MAN2B1: variants seen among roughly 807,000 people sequenced by gnomAD.
The protein encoded by MAN2B1 is mannosidase alpha class 2B member 1, also known as lysosomal alpha-mannosidase.
In MAN2B1, 99 loss-of-function variants were observed where a neutral mutation model predicts 127.5. The observed-to-expected ratio is 0.78, with a 90% CI of 0.66 to 0.92. The LOEUF (loss-of-function observed/expected upper bound fraction) is 0.92, where lower values mean the gene tolerates loss of function less well. Ranked by LOEUF, MAN2B1 falls within the 40% of genes least tolerant of loss-of-function variation. The probability of loss-of-function intolerance (pLI) is 0.00; values close to 1 mark genes in which losing one functional copy is unlikely to be tolerated. For missense variants in MAN2B1, 1,304 were observed against 1,384.8 expected, an observed-to-expected ratio of 0.94 and a Z score of 0.93; for synonymous variants, 573 against 568.8, an observed-to-expected ratio of 1.01 and a Z score of -0.11.
At chr19:12,660,139 C>T (rs993622204) in intron 7 of MAN2B1, among the ~76,000 whole-genome samples, 4 of 152,126 alleles carry the variant, frequency 2.6e-5, no homozygotes, top group African/African-American at 4.8e-5. Flanking sequence ...GAACCTATTA[C>T]CACATTAGAT....
rs760393236 is a variant in MAN2B1 at position 12,661,353 on chromosome 19, G to A, written c.933C>T (p.His311=). 16 of 1,613,630 alleles carry A rather than the reference G, an allele frequency of 9.9e-6. No individual in the cohort carries two copies. In the East Asian group the frequency reaches 2.9e-4, roughly 29 times the overall value. Residue 311 remains histidine, a synonymous_variant, in exon 7 of 24, where the codon CAC becomes CAT. Transcript: ENST00000456935. ...TAQGRYYRTN[H]TVMTMGSDFQ... ...AGTCCGAGCCCATGGTCATCACAGTGTGGTTGGTGCGGTAATACCGGCCCT... is the reference window on the plus strand; with the variant it reads ...AGTCCGAGCCCATGGTCATCACAGTATGGTTGGTGCGGTAATACCGGCCCT...
rs575582119 is a variant in MAN2B1 at position 12,647,615 on chromosome 19, G to A, written c.2665-17C>T. The A allele has an allele frequency of 1.0e-5, 16 of 1,607,254 alleles. No homozygotes were observed. In the East Asian group the frequency reaches 2.0e-4, roughly 20 times the overall value. On this transcript the variant is annotated splice_polypyrimidine_tract_variant and intron_variant, in intron 21 of 23. Transcript: ENST00000456935. The surrounding 1 kb of genome is among the most constrained non-coding windows in gnomAD (Gnocchi z 4.9). Reference sequence around the variant, plus strand: ...CCCTGAGAACTGCGGGAGAGAGGGCGGGGCTGAGTTGGAGAGGGGCGGGGC... The same window carrying A: ...CCCTGAGAACTGCGGGAGAGAGGGCAGGGCTGAGTTGGAGAGGGGCGGGGC...
Position 12,647,709 on chromosome 19 carries a change from C to T in MAN2B1, c.2665-111G>A. 1.2e-6 allele frequency: 1 copy of T among 862,112 alleles called. No individual in the cohort carries two copies. The highest frequency in any genetic ancestry group is 1.8e-6 in the Non-Finnish European group (1 of 563,814). 53.4% of individuals were successfully genotyped at this position (862,112 alleles called of 1,614,324 possible). On this transcript the variant is annotated intron_variant, in intron 21 of 23. Coordinates refer to ENST00000456935, the MANE Select transcript of MAN2B1 (RefSeq NM_000528.4). This position sits in a 1 kb window ranked among gnomAD's most constrained non-coding sequence, Gnocchi z 4.9. ...CTAGGTTGTAGGGGCGGGGTTTCGC[C>T]GGAGAGGGGCAAGGCTCAGCCGAGA...
chr19:12,661,080 G>T, intron 7 of MAN2B1, 180 bp downstream of exon 7: 1 of 584,338 alleles, frequency 1.7e-6, no homozygotes. Context: ...CTTACCTACA[G>T]AACTGTAAGA....
chr19:12,660,414 A>G (rs1226755574), intron 7 of MAN2B1, among the ~76,000 whole-genome samples: 2 of 152,164 alleles, frequency 1.3e-5, no homozygotes, highest in African/African-American at 4.8e-5. Context: ...AGACAGAAGA[A>G]TCACTTGAAC....
Position 12,649,992 on chromosome 19 carries a change from T to G in MAN2B1, c.2188A>C (p.Ile730Leu). Residue 730 changes from isoleucine to leucine, a missense_variant, in exon 18 of 24, where the codon ATC becomes CTC. Transcript: ENST00000456935. ...TCCAGCGGTGTGTCAAAACGGCTGA[T>G]GACCTCCTTCCCCCAGGTGTCGCTG... ...PVGDTWGKEV[I>L]SRFDTPLETK... 3.7e-6 allele frequency: 6 copies of G among 1,614,070 alleles called. No homozygotes were observed. Among genetic ancestry groups the G allele is most frequent in the Non-Finnish European group, 5.1e-6 (6 of 1,180,014 alleles).
At position 12,665,417 on chromosome 19, in the gene MAN2B1, A is replaced by C; in HGVS notation, c.371T>G (p.Phe124Cys). Residue 124 changes from phenylalanine to cysteine, a missense_variant, in exon 3 of 24, where the codon TTC becomes TGC. Physicochemically the swap from Phe to Cys is radical, Grantham distance 205. Transcript: ENST00000456935. ...TGTCTGCTGGTGCCACCAACGGGAGAAGAAGGCAATCTCCACGTAAATGAA... is the reference window on the plus strand; with the variant it reads ...TGTCTGCTGGTGCCACCAACGGGAGCAGAAGGCAATCTCCACGTAAATGAA... Reference protein sequence around the residue: ...RRFIYVEIAFFSRWWHQQTNA... With the variant: ...RRFIYVEIAFCSRWWHQQTNA... 2 of 1,613,382 alleles carry C rather than the reference A, an allele frequency of 1.2e-6. No homozygotes were observed. Among genetic ancestry groups the C allele is most frequent in the Non-Finnish European group, 1.7e-6 (2 of 1,180,030 alleles).
At chr19:12,651,118 C>T (rs1464627647) in intron 16 of MAN2B1, among the ~76,000 whole-genome samples, 2 of 152,136 alleles carry the variant, frequency 1.3e-5, no homozygotes, top group African/African-American at 4.8e-5. Context: ...TGAGCCACTG[C>T]ATCTGGCTTA....
chr19:12,662,366 C>T lies in MAN2B1; in HGVS notation c.909+951G>A, dbSNP rs568711467. Among the ~76,000 whole-genome samples, 4 of 152,094 alleles carry T rather than the reference C, an allele frequency of 2.6e-5. No individual in the cohort carries two copies. In the East Asian group the frequency reaches 7.8e-4, roughly 29 times the overall value. On this transcript the variant is annotated intron_variant, in intron 6 of 23. Transcript: ENST00000456935. ...ATGTTAAAGGCTGGACGCGGTGGCTCACGCCTGTAATCCCAGCACTTTGAG... is the reference window on the plus strand; with the variant it reads ...ATGTTAAAGGCTGGACGCGGTGGCTTACGCCTGTAATCCCAGCACTTTGAG...
chr19:12,658,292 A>T lies in MAN2B1; in HGVS notation c.1162T>A (p.Trp388Arg). The T allele has an allele frequency of 6.2e-7, 1 of 1,614,244 alleles. No homozygotes were observed. Among genetic ancestry groups the T allele is most frequent in the Non-Finnish European group, 8.5e-7 (1 of 1,180,050 alleles). Residue 388 changes from tryptophan to arginine, a missense_variant, in exon 9 of 24, where the codon TGG becomes AGG. Coordinates refer to ENST00000456935, the MANE Select transcript of MAN2B1 (RefSeq NM_000528.4). The part of the protein sequence containing the change: ...FPYADGPHQF[W>R]TGYFSSRPAL... ...GGCCGACTGGAAAAGTAACCGGTCC[A>T]GAACTGGTGGGGGCCATCCGCGTAA...
chr19:12,664,662 G>T (rs928664534), intron 4 of MAN2B1, 130 bp downstream of exon 4: 3 of 980,502 alleles, frequency 3.1e-6, no homozygotes, highest in Non-Finnish European at 4.6e-6. Flanking sequence ...CACTCAAGGG[G>T]CAGGGCTTCA....
At position 12,665,770 on chromosome 19, in the gene MAN2B1, C is replaced by A. The variant is rs1483030644; in HGVS notation, c.195G>T (p.Val65=). ...CPTVQPNMLN[V]HLLPHTHDDV... ...CATCATGTGTGTGAGGCAGCAGGTG[C>A]ACGTTCAGCATGTTCGGCTGCACTG... Residue 65 remains valine, a synonymous_variant, in exon 2 of 24, where the codon GTG becomes GTT. Transcript: ENST00000456935. 2.5e-6 allele frequency: 4 copies of A among 1,614,042 alleles called. No individual in the cohort carries two copies. Among genetic ancestry groups the A allele is most frequent in the Non-Finnish European group, 3.4e-6 (4 of 1,180,054 alleles).
chr19:12,660,480 C>T (rs552401737), intron 7 of MAN2B1, among the ~76,000 whole-genome samples: 17 of 152,118 alleles, frequency 1.1e-4, no homozygotes, highest in Admixed American at 2.6e-4. Context: ...CCAGCCTGGG[C>T]GACAGAGCGA....
intron 9 of MAN2B1, 27 bp from the exon 10 acceptor site, chr19:12,658,168 G>A (rs1048600902): frequency 1.9e-6 from 3 of 1,613,508 alleles, no homozygotes; most frequent in South Asian, 2.2e-5. Flanking sequence ...ATGTTGGGGC[G>A]CCCAGCCTGT....
At chr19:12,661,151 A>T in intron 7 of MAN2B1, 109 bp downstream of exon 7, 1 of 803,982 alleles carries the variant, frequency 1.2e-6, no homozygotes, top group Middle Eastern at 3.5e-4. Flanking sequence ...GAATGACCAC[A>T]ATAGAACAAT....
chr19:12,649,644 G>C (rs2023793047), intron 18 of MAN2B1, among the ~76,000 whole-genome samples: 2 of 151,664 alleles, frequency 1.3e-5, no homozygotes, highest in East Asian at 1.9e-4. Context: ...ACCACACCCG[G>C]CTGATTTTTT....
chr19:12,652,873 C>T (rs1019014925), intron 14 of MAN2B1, among the ~76,000 whole-genome samples: 2 of 151,466 alleles, frequency 1.3e-5, no homozygotes, highest in African/African-American at 4.9e-5. Flanking sequence ...CTTGCTGTGT[C>T]GCCCAGGCTG....
In MAN2B1 at chr19:12,666,689, C is replaced by T; in HGVS notation, c.13G>A (p.Ala5Thr). The change falls in exon 1 of 24, where the codon GCG becomes ACG. Residue 5 changes from alanine (A) to threonine (T), a missense_variant. Transcript: ENST00000456935. MGAY[A>T]RASGVCARGC... ...CGAGCGCAGACCCCCGAAGCCCGCG[C>T]GTAGGCGCCCATGGCTCAGCAGCTT... 6.5e-7 allele frequency: 1 copy of T among 1,549,968 alleles called. No individual in the cohort carries two copies. Among genetic ancestry groups the T allele is most frequent in the Non-Finnish European group, 8.7e-7 (1 of 1,147,046 alleles).
chr19:12,658,811 G>A, intron 7 of MAN2B1: 1 of 427,442 alleles, frequency 2.3e-6, no homozygotes, highest in South Asian at 2.2e-5. Context: ...TGACATTATA[G>A]GGCAGGAATA....
Sources: allele counts gnomAD v4.1 joint callset (sites outside exome capture counted in the v4.1 genomes callset), GRCh38; gene constraint gnomAD v4.1.1; non-coding constraint Gnocchi (gnomAD v3.1); transcripts MANE v1.5; gene names NCBI Gene and HGNC (gene_info 2026-07-23, HGNC 2026-07-21).